Variants in PTK7 observed in about 807,000 individuals in gnomAD.
PTK7 encodes the protein inactive tyrosine-protein kinase 7.
PTK7 carries 39 observed loss-of-function variants against 116.6 expected under a neutral mutation model. That is an observed-to-expected ratio of 0.33 (90% confidence interval 0.26 to 0.44). PTK7 has a LOEUF of 0.44. Ranked by LOEUF, PTK7 falls within the 20% of genes least tolerant of loss-of-function variation. The probability of loss-of-function intolerance (pLI) is 1.00; values close to 1 mark genes in which losing one functional copy is unlikely to be tolerated. For missense variants in PTK7, 1,169 were observed against 1,425.6 expected (o/e 0.82, Z 2.90); for synonymous variants, 546 against 563.6 (o/e 0.97, Z 0.44).
chr6:43,160,774 C>T lies in PTK7; in HGVS notation c.3106C>T (p.Leu1036Phe), dbSNP rs1240783346. 2 of 1,614,108 alleles carry T rather than the reference C, an allele frequency of 1.2e-6. No homozygotes were observed. Among genetic ancestry groups the T allele is most frequent in the Non-Finnish European group, 1.7e-6 (2 of 1,180,030 alleles). ...LPQPEGCPSK[L>F]YRLMQRCWAL... ...TCAGCCCGAGGGCTGCCCTTCCAAACTCTATCGGCTGATGCAGCGCTGCTG... is the reference window on the plus strand; with the variant it reads ...TCAGCCCGAGGGCTGCCCTTCCAAATTCTATCGGCTGATGCAGCGCTGCTG... Residue 1036 changes from leucine to phenylalanine, a missense_variant, in exon 20 of 20, where the codon CTC becomes TTC. Around this residue, in one of 3 missense-constraint regions of PTK7, gnomAD observed 678 missense variants for 853.8 expected, o/e 0.79. Transcript: ENST00000230419.
chr6:43,082,322 C>T (rs190609833), intron 1 of PTK7, among the ~76,000 whole-genome samples: 3 of 152,188 alleles, frequency 2.0e-5, no homozygotes, highest in Non-Finnish European at 4.4e-5. Context: ...ATTACAGGCG[C>T]GCACCACCAC....
Position 43,142,004 on chromosome 6 carries a change from G to C in PTK7, c.1842G>C (p.Glu614Asp). 1 of 1,613,842 alleles carries C rather than the reference G, an allele frequency of 6.2e-7. No homozygotes were observed. The highest frequency in any genetic ancestry group is 8.5e-7 in the Non-Finnish European group (1 of 1,179,992). ...GCCACACAGCCCTACTGCAGTGCGA[G>C]GCCCAGGGGGACCCCAAGCCGCTGA... ...YQGHTALLQC[E>D]AQGDPKPLIQ... The change falls in exon 12 of 20, where the codon GAG (glutamate) becomes GAC (aspartate). Residue 614 changes from glutamate (E) to aspartate (D), a missense_variant. Physicochemically the swap from Glu to Asp is conservative, Grantham distance 45. This residue lies in a region of PTK7 where 678 missense variants were observed against 853.8 expected (regional missense o/e 0.79). Transcript: ENST00000230419.
chr6:43,088,131 C>G (rs1408224351), intron 1 of PTK7, among the ~76,000 whole-genome samples: 2 of 151,934 alleles, frequency 1.3e-5, no homozygotes, highest in Admixed American at 1.3e-4. Context: ...GACCCCATCT[C>G]TACGGAATAG....
Position 43,129,221 on chromosome 6 carries a change from T to A in PTK7, c.324T>A (p.Thr108=). The A allele has an allele frequency of 6.2e-7, 1 of 1,614,106 alleles. No homozygotes were observed. The highest frequency in any genetic ancestry group is 1.1e-5 in the South Asian group (1 of 91,086). The change falls in exon 2 of 20, where the codon ACT becomes ACA. Residue 108 remains threonine, a synonymous_variant. Transcript: ENST00000230419. This position sits in a 1 kb window ranked among gnomAD's most constrained non-coding sequence, Gnocchi z 4.5. ...TFQCVARDDV[T]GEEARSANAS... is the part of the protein sequence containing the mutation. ...AGTGTGTGGCTCGGGATGATGTCAC[T>A]GGAGAAGAAGCCCGCAGTGCCAACG...
intron 7 of PTK7, 84 bp from the exon 8 acceptor site, chr6:43,138,765 T>TGGTA: frequency 3.3e-6 from 5 of 1,499,656 alleles, no homozygotes; most frequent in Non-Finnish European, 4.5e-6. Context: ...GGGCCTAGAA[T>TGGTA]GGTAGTAGGA....
At chr6:43,085,859 G>A (rs948345157) in intron 1 of PTK7, among the ~76,000 whole-genome samples, 4 of 151,674 alleles carry the variant, frequency 2.6e-5, no homozygotes, top group Non-Finnish European at 4.4e-5. Flanking sequence ...CTTGAACCCG[G>A]GAGGCCGAGG....
At chr6:43,159,370 G>A (rs1173548996) in intron 18 of PTK7, among the ~76,000 whole-genome samples, 2 of 152,174 alleles carry the variant, frequency 1.3e-5, no homozygotes, top group Admixed American at 6.5e-5. Flanking sequence ...GCTCTGCAGC[G>A]CTGCCGGGAA....
Position 43,161,119 on chromosome 6 carries a change from G to C in PTK7, c.*238G>C. On this transcript the variant is annotated 3_prime_UTR_variant, in exon 20 of 20. Coordinates refer to ENST00000230419, the MANE Select transcript of PTK7 (RefSeq NM_002821.5). ...GGCTTTGAGCTGGGCAGTTTTCCCT[G>C]CCACCTCTTCCTCTATCAGGGACAG... The C allele has an allele frequency of 1.9e-6, 1 of 532,492 alleles. No individual in the cohort carries two copies. Among genetic ancestry groups the C allele is most frequent in the East Asian group, 3.2e-5 (1 of 31,744 alleles). The allele number at this position is 532,492 out of a possible 1,614,324, so 33.0% of individuals were successfully genotyped here. A position where few individuals can be genotyped will look rare whatever the true frequency, so the allele number is the denominator to read the frequency against.
Position 43,130,271 on chromosome 6 carries a change from A to G in PTK7, c.512A>G (p.Asp171Gly), listed in dbSNP as rs778590314. 4.4e-6 allele frequency: 7 copies of G among 1,602,974 alleles called. No individual in the cohort carries two copies. In the Admixed American group the frequency reaches 1.0e-4, roughly 23 times the overall value. ...QWFRDGTPLS[D>G]GQSNHTVSSK... ...TTCCGAGATGGGACCCCCCTTTCTG[A>G]TGGTCAGAGCAACCACACAGTCAGC... is the stretch of plus-strand genomic sequence containing the variant. Residue 171 changes from aspartate to glycine, a missense_variant, in exon 4 of 20, where the codon GAT becomes GGT. Transcript: ENST00000230419.
chr6:43,110,072 C>T (rs1285911122), intron 1 of PTK7, among the ~76,000 whole-genome samples: 2 of 147,868 alleles, frequency 1.4e-5, no homozygotes, highest in Non-Finnish European at 3.0e-5. Flanking sequence ...TTTTGGCTCA[C>T]AGCAACCTCC....
chr6:43,157,172 T>G (rs546528474), intron 17 of PTK7, among the ~76,000 whole-genome samples: 27 of 148,168 alleles, frequency 1.8e-4, no homozygotes, highest in East Asian at 9.8e-4. Flanking sequence ...ATTGTGGTTT[T>G]TTTTTTTTTT....
Position 43,160,121 on chromosome 6 carries a change from T to G in PTK7, c.3052+155T>G, listed in dbSNP as rs561071677. On this transcript the variant is annotated intron_variant, in intron 19 of 19. Transcript: ENST00000230419. ...CTGGTTGTTAAAATACTGCAATACT[T>G]TGTTTTTCTTTTGAGACGGAGTGTC... is the stretch of plus-strand genomic sequence containing the variant. 83 of 800,140 alleles carry G rather than the reference T, an allele frequency of 1.0e-4. 1 individual carries two copies. The South Asian group carries it at 1.5e-3, about 15-fold the overall frequency. 49.6% of individuals were successfully genotyped at this position (800,140 alleles called of 1,614,324 possible). A position where few individuals can be genotyped will look rare whatever the true frequency, so the allele number is the denominator to read the frequency against.
chr6:43,093,546 C>T (rs946822801), intron 1 of PTK7, among the ~76,000 whole-genome samples: 5 of 152,016 alleles, frequency 3.3e-5, no homozygotes, highest in African/African-American at 1.2e-4. Context: ...GTCAGGCAGG[C>T]AGGAGACGGA....
chr6:43,083,156 T>A (rs1207973257), intron 1 of PTK7, among the ~76,000 whole-genome samples: 3 of 152,228 alleles, frequency 2.0e-5, no homozygotes, highest in African/African-American at 7.2e-5. Context: ...AAAGGGTCAT[T>A]AAACAAGGTT....
chr6:43,087,856 T>C (rs535539416), intron 1 of PTK7, among the ~76,000 whole-genome samples: 2 of 152,274 alleles, frequency 1.3e-5, no homozygotes, highest in South Asian at 4.1e-4. Flanking sequence ...CACAGATGTG[T>C]TTAGACTTGA....
chr6:43,114,594 G>A (rs2150406788), intron 1 of PTK7, among the ~76,000 whole-genome samples: 1 of 152,190 alleles, frequency 6.6e-6, no homozygotes, highest in African/African-American at 2.4e-5. Flanking sequence ...GATCAAGGGA[G>A]TAGGCATGAA....
At chr6:43,109,958 A>G (rs926212767) in intron 1 of PTK7, among the ~76,000 whole-genome samples, 3 of 149,346 alleles carry the variant, frequency 2.0e-5, no homozygotes, top group African/African-American at 7.4e-5. Flanking sequence ...TCGGCCTCCC[A>G]AAGTGCTGAG....
chr6:43,158,942 G>C lies in PTK7; in HGVS notation c.2847G>C (p.Leu949=), dbSNP rs373241519. The C allele has an allele frequency of 9.8e-5, 158 of 1,614,182 alleles. No homozygotes were observed. Among genetic ancestry groups the C allele is most frequent in the Non-Finnish European group, 1.2e-4 (143 of 1,180,036 alleles). Residue 949 remains leucine (L), a synonymous_variant, in exon 18 of 20, where the codon CTG becomes CTC. Transcript: ENST00000230419. Reference sequence around the variant, plus strand: ...AGAGACAAGTGAAGGTGTCTGCCCTGGGCCTCAGCAAGGATGTGTACAACA... The same window carrying C: ...AGAGACAAGTGAAGGTGTCTGCCCTCGGCCTCAGCAAGGATGTGTACAACA... The part of the protein sequence containing the change: ...SAQRQVKVSA[L]GLSKDVYNSE...
In PTK7 at chr6:43,129,869, G is replaced by A. The variant is rs1391815830; in HGVS notation, c.470+40G>A. The A allele has an allele frequency of 8.9e-6, 14 of 1,576,718 alleles. No homozygotes were observed. Among genetic ancestry groups the A allele is most frequent in the African/African-American group, 6.7e-5 (5 of 74,092 alleles). On this transcript the variant is annotated intron_variant, in intron 3 of 19. Coordinates refer to ENST00000230419, the MANE Select transcript of PTK7 (RefSeq NM_002821.5). The surrounding 1 kb of genome is among the most constrained non-coding windows in gnomAD (Gnocchi z 4.5). ...AGGTGGGGATGAAGAGGGTTATTCCGGACAGGGATGTCTCCCCAAATCTTG... is the reference window on the plus strand; with the variant it reads ...AGGTGGGGATGAAGAGGGTTATTCCAGACAGGGATGTCTCCCCAAATCTTG...
Sources: gnomAD v4.1 joint callset for allele counts (sites outside exome capture counted in the v4.1 genomes callset) on GRCh38, gnomAD v4.1.1 for gene constraint, gnomAD v4.1.1 regional missense constraint, Gnocchi (gnomAD v3.1) non-coding constraint, MANE v1.5 for transcripts, NCBI Gene and HGNC (gene_info 2026-07-23, HGNC 2026-07-21) for gene names.